The following RARB variants were observed in gnomAD, a reference collection of about 807,000 sequenced individuals.
The protein encoded by RARB is retinoic acid receptor beta.
RARB carries 17 observed loss-of-function variants against 51.9 expected under a neutral mutation model. The ratio of observed to expected loss-of-function variants is 0.33; its 90% CI spans 0.22 to 0.49. The LOEUF (loss-of-function observed/expected upper bound fraction) is 0.49, where lower values mean the gene tolerates loss of function less well. Among genes scored for constraint, RARB ranks in the 20% least tolerant of loss-of-function variants. RARB has a pLI of 0.99. For synonymous variants in RARB, 215 were observed against 195.4 expected, an observed-to-expected ratio of 1.10 and a Z score of -0.84; for missense variants, 369 against 550.8, an observed-to-expected ratio of 0.67 and a Z score of 3.30.
intron 2 of RARB, among the ~76,000 whole-genome samples, chr3:24,867,752 T>G (rs1702878088): frequency 6.6e-6 from 1 of 152,080 alleles, no homozygotes; most frequent in East Asian, 1.9e-4. Context: ...CCTCCTCTTG[T>G]TCAGGTCCTG....
chr3:25,414,843 C>G (rs1345813663), intron 5 of RARB, among the ~76,000 whole-genome samples: 2 of 152,076 alleles, frequency 1.3e-5, no homozygotes, highest in African/African-American at 4.8e-5. Flanking sequence ...CTGATATATG[C>G]TTTGCACAAT....
At chr3:24,856,344 A>G (rs1490760712) in intron 1 of RARB, among the ~76,000 whole-genome samples, 1 of 152,170 alleles carries the variant, frequency 6.6e-6, no homozygotes, top group Non-Finnish European at 1.5e-5. Flanking sequence ...GAGGAAGCCA[A>G]TCAATAGTAT....
intron 3 of RARB, among the ~76,000 whole-genome samples, chr3:25,504,535 A>G (rs1460134178): frequency 6.6e-6 from 1 of 152,128 alleles, no homozygotes; most frequent in African/African-American, 2.4e-5. Flanking sequence ...CACCCAAACC[A>G]TGTGGGTGGG....
chr3:25,013,082 C>T (rs1485216043), intron 2 of RARB, among the ~76,000 whole-genome samples: 2 of 152,074 alleles, frequency 1.3e-5, no homozygotes, highest in Non-Finnish European at 2.9e-5. Flanking sequence ...TGTAGTATTG[C>T]CAACCTGATT....
At chr3:24,976,363 T>A (rs150561149) in intron 2 of RARB, among the ~76,000 whole-genome samples, 15 of 152,334 alleles carry the variant, frequency 9.8e-5, no homozygotes, top group Non-Finnish European at 2.2e-4. Context: ...CCACAATGAT[T>A]GAACTAATTT....
At chr3:25,124,156 C>T (rs931941392) in intron 3 of RARB, among the ~76,000 whole-genome samples, 1 of 152,132 alleles carries the variant, frequency 6.6e-6, no homozygotes, top group African/African-American at 2.4e-5. Flanking sequence ...GGGTGGATCA[C>T]GAGGTCAGGA....
chr3:25,581,594 T>G (rs1393548006), intron 5 of RARB, among the ~76,000 whole-genome samples: 1 of 152,122 alleles, frequency 6.6e-6, no homozygotes, highest in Non-Finnish European at 1.5e-5. Flanking sequence ...CCCACAGACG[T>G]GCTATGACTG....
At chr3:25,144,047 A>G (rs936637588) in intron 4 of RARB, among the ~76,000 whole-genome samples, 8 of 152,182 alleles carry the variant, frequency 5.3e-5, no homozygotes, top group African/African-American at 1.9e-4. Flanking sequence ...TTCTTATGGG[A>G]ATCAATTTGC....
intron 3 of RARB, among the ~76,000 whole-genome samples, chr3:25,513,571 A>G (rs1283611456): frequency 6.6e-6 from 1 of 151,920 alleles, no homozygotes; most frequent in Admixed American, 6.6e-5. Flanking sequence ...CTTTCATGAC[A>G]TGACATCCCA....
At chr3:25,135,406 T>G (rs552105385) in intron 4 of RARB, among the ~76,000 whole-genome samples, 36 of 152,086 alleles carry the variant, frequency 2.4e-4, no homozygotes, top group African/African-American at 7.9e-4. Context: ...CCCATTTACC[T>G]GGATATCTGA....
chr3:25,294,346 C>G (rs1431884289), intron 5 of RARB, among the ~76,000 whole-genome samples: 1 of 152,144 alleles, frequency 6.6e-6, no homozygotes, highest in Non-Finnish European at 1.5e-5. Flanking sequence ...ACCGCATGGC[C>G]TTAGGCAAGT....
At chr3:25,374,109 G>A (rs1349590608) in intron 5 of RARB, among the ~76,000 whole-genome samples, 1 of 152,182 alleles carries the variant, frequency 6.6e-6, no homozygotes, top group Non-Finnish European at 1.5e-5. Context: ...GTCATGAGCA[G>A]GGTGAATGGT....
chr3:25,548,739 CTAAGT>C (rs1699725257), intron 3 of RARB, among the ~76,000 whole-genome samples: 1 of 150,804 alleles, frequency 6.6e-6, no homozygotes, highest in Admixed American at 6.6e-5. Context: ...TGACAGGTTG[CTAAGT>C]TATTTATTGA....
At chr3:25,312,785 C>T (rs980319080) in intron 5 of RARB, among the ~76,000 whole-genome samples, 4 of 152,202 alleles carry the variant, frequency 2.6e-5, no homozygotes, top group Admixed American at 6.5e-5. Context: ...GGAACATTCC[C>T]ACGCAGCCAC....
chr3:25,356,682 A>G (rs1267391999), intron 5 of RARB, among the ~76,000 whole-genome samples: 1 of 152,088 alleles, frequency 6.6e-6, no homozygotes, highest in Non-Finnish European at 1.5e-5. Context: ...ATTCCCTGAC[A>G]GGCCCTGAAG....
At chr3:24,968,618 G>A (rs1696328763) in intron 2 of RARB, among the ~76,000 whole-genome samples, 1 of 152,082 alleles carries the variant, frequency 6.6e-6, no homozygotes, top group South Asian at 2.1e-4. Flanking sequence ...TCTGGTGGGT[G>A]GCTATGGTAT....
At chr3:25,145,970 T>C (rs62228593) in intron 4 of RARB, among the ~76,000 whole-genome samples, 95,904 of 151,494 alleles carry the variant, frequency 0.63, 30,494 homozygotes, top group Admixed American at 0.72. Context: ...CCACTGCACT[T>C]CAGCCTGGGC....
chr3:24,838,760 T>C (rs1702378457), intron 1 of RARB, among the ~76,000 whole-genome samples: 1 of 152,142 alleles, frequency 6.6e-6, no homozygotes, highest in Non-Finnish European at 1.5e-5. Context: ...GTAGCAATAA[T>C]ATATGGCAAT....
chr3:24,943,387 C>A (rs1184401548), intron 2 of RARB, among the ~76,000 whole-genome samples: 1 of 152,136 alleles, frequency 6.6e-6, no homozygotes, highest in African/African-American at 2.4e-5. Flanking sequence ...GTGCCTAATT[C>A]TCTTCCCTCC....
Sources: gnomAD v4.1 joint callset for allele counts (sites outside exome capture counted in the v4.1 genomes callset) on GRCh38, gnomAD v4.1.1 for gene constraint, MANE v1.5 for transcripts, NCBI Gene and HGNC (gene_info 2026-07-23, HGNC 2026-07-21) for gene names.